The following AVEN variants were observed in gnomAD, a reference collection of about 807,000 sequenced individuals.
The protein encoded by AVEN is apoptosis and caspase activation inhibitor, also known as cell death regulator Aven.
A neutral mutation model predicts 38.1 loss-of-function variants in AVEN; 41 were observed. The observed-to-expected ratio is 1.08, with a 90% confidence interval of 0.84 to 1.40. AVEN has a LOEUF of 1.40. AVEN is among the 40% of genes most tolerant of loss of function. The pLI, the probability that AVEN is intolerant of heterozygous loss-of-function variation, is 0.00. For synonymous variants in AVEN, 206 were observed against 171.8 expected, an observed-to-expected ratio of 1.20 and a Z score of -1.56; for missense variants, 605 against 438.8, an observed-to-expected ratio of 1.38 and a Z score of -3.38.
intron 3 of AVEN, among the ~76,000 whole-genome samples, chr15:33,872,122 G>A (rs993284376): frequency 1.3e-5 from 2 of 152,178 alleles, no homozygotes; most frequent in African/African-American, 4.8e-5. Context: ...TGCTATGGGG[G>A]TGGGGTGTAA....
chr15:33,895,204 A>AT (rs1256009678), intron 2 of AVEN, among the ~76,000 whole-genome samples: 1 of 151,720 alleles, frequency 6.6e-6, no homozygotes, highest in Admixed American at 6.6e-5. Context: ...ATTTGGGCTG[A>AT]TTTTTTTATC....
At chr15:34,002,631 G>A (rs1897179452) in intron 2 of AVEN, among the ~76,000 whole-genome samples, 1 of 151,830 alleles carries the variant, frequency 6.6e-6, no homozygotes, top group African/African-American at 2.4e-5. Flanking sequence ...TATATACCTG[G>A]CTACTTAAAA....
At chr15:33,882,180 G>A (rs1443189371) in intron 2 of AVEN, among the ~76,000 whole-genome samples, 1 of 152,038 alleles carries the variant, frequency 6.6e-6, no homozygotes, top group Non-Finnish European at 1.5e-5. Context: ...CTATTACATA[G>A]CCTGCTTAAA....
At chr15:33,903,232 C>G (rs1169956602) in intron 2 of AVEN, among the ~76,000 whole-genome samples, 1 of 152,182 alleles carries the variant, frequency 6.6e-6, no homozygotes, top group Non-Finnish European at 1.5e-5. Flanking sequence ...GTGGTGGCAA[C>G]TACAAACAGT....
intron 2 of AVEN, among the ~76,000 whole-genome samples, chr15:33,955,570 T>A (rs1024016434): frequency 9.9e-5 from 15 of 152,208 alleles, no homozygotes; most frequent in African/African-American, 3.6e-4. Context: ...GATAGTTTCA[T>A]TTTAAAGAGT....
chr15:33,872,283 G>C (rs3794590), intron 3 of AVEN, among the ~76,000 whole-genome samples: 2,403 of 152,082 alleles, frequency 0.016, 30 homozygotes, highest in South Asian at 0.041. Flanking sequence ...CTCTGGCCAG[G>C]AATCATAAGA....
At chr15:33,861,257 C>A, downstream of AVEN, 3 of 1,072,050 alleles carry the variant, frequency 2.8e-6, no homozygotes, top group Non-Finnish European at 4.1e-6. Context: ...TCAGTCTCTG[C>A]TGGAAAAAGA....
intron 2 of AVEN, among the ~76,000 whole-genome samples, chr15:33,903,343 G>C (rs1430919993): frequency 1.3e-5 from 2 of 152,316 alleles, no homozygotes; most frequent in East Asian, 3.9e-4. Context: ...GCAACAGCAG[G>C]TCTTCAGTCA....
At chr15:33,884,420 A>G (rs979312287) in intron 2 of AVEN, among the ~76,000 whole-genome samples, 2 of 152,194 alleles carry the variant, frequency 1.3e-5, no homozygotes, top group African/African-American at 4.8e-5. Flanking sequence ...TCTGTCTTAC[A>G]GAACTCTAAG....
At chr15:33,979,259 T>C (rs958185540) in intron 2 of AVEN, among the ~76,000 whole-genome samples, 1 of 152,172 alleles carries the variant, frequency 6.6e-6, no homozygotes, top group African/African-American at 2.4e-5. Context: ...CGGTGTCCCA[T>C]GCCTGCAATC....
chr15:33,864,324 T>C, downstream of AVEN: 1 of 685,060 alleles, frequency 1.5e-6, no homozygotes, highest in Non-Finnish European at 2.4e-6. Context: ...CACCTTTTTG[T>C]GACTCAATAA....
intron 2 of AVEN, among the ~76,000 whole-genome samples, chr15:33,944,976 A>T (rs190501429): frequency 1.3e-5 from 2 of 152,342 alleles, no homozygotes; most frequent in East Asian, 3.9e-4. Flanking sequence ...CAGGCTATCC[A>T]ATGAAATAGA....
At chr15:34,033,176 T>G (rs528068831) in intron 1 of AVEN, among the ~76,000 whole-genome samples, 17 of 152,230 alleles carry the variant, frequency 1.1e-4, no homozygotes, top group African/African-American at 4.1e-4. Context: ...CTAGGGAAAA[T>G]GAGACTCATT....
At chr15:33,856,615 T>G (rs2079688311), downstream of AVEN, 1 of 152,778 alleles carries the variant, frequency 6.5e-6, no homozygotes, top group Admixed American at 6.6e-5. Context: ...TAGTATAAGG[T>G]AGGGATATCC....
chr15:33,931,461 C>A (rs1893847925), intron 2 of AVEN, among the ~76,000 whole-genome samples: 1 of 140,040 alleles, frequency 7.1e-6, no homozygotes, highest in African/African-American at 2.7e-5. Context: ...AGCTCCGCCT[C>A]CTGGGTTCAC....
At chr15:33,907,970 T>C (rs1364593812) in intron 2 of AVEN, among the ~76,000 whole-genome samples, 2 of 152,054 alleles carry the variant, frequency 1.3e-5, no homozygotes, top group African/African-American at 4.8e-5. Context: ...TGTCCAAAAA[T>C]TTAGGAAAGT....
chr15:33,966,484 G>A (rs1199371153), intron 2 of AVEN, among the ~76,000 whole-genome samples: 2 of 152,272 alleles, frequency 1.3e-5, no homozygotes, highest in East Asian at 3.9e-4. Context: ...ATACTCAAGA[G>A]TGAGCACCTT....
chr15:33,871,523 G>A (rs1050227600), intron 3 of AVEN, among the ~76,000 whole-genome samples: 5 of 151,708 alleles, frequency 3.3e-5, no homozygotes, highest in East Asian at 1.9e-4. Context: ...AGCCGAGATC[G>A]CAACACTGCA....
At chr15:34,053,233 G>A (rs1439057956) in intron 5 of AVEN, among the ~76,000 whole-genome samples, 1 of 145,976 alleles carries the variant, frequency 6.9e-6, no homozygotes, top group Admixed American at 7.0e-5. Context: ...CCAGGAGGCA[G>A]AGGTTGCAGT....
Sources: allele counts gnomAD v4.1 joint callset (sites outside exome capture counted in the v4.1 genomes callset), GRCh38; gene constraint gnomAD v4.1.1; transcripts MANE v1.5; gene names NCBI Gene and HGNC (gene_info 2026-07-23, HGNC 2026-07-21).